FBXL19: variants seen among roughly 807,000 people sequenced by gnomAD.
FBXL19 encodes F-box/LRR-repeat protein 19.
In FBXL19, 16 loss-of-function variants were observed where a neutral mutation model predicts 71.2. That is an observed-to-expected ratio of 0.22 (90% CI 0.15 to 0.34). FBXL19 has a LOEUF of 0.34. Among genes scored for constraint, FBXL19 ranks in the 10% least tolerant of loss-of-function variants. The pLI is 1.00. For missense variants in FBXL19, 658 were observed against 968.2 expected, an observed-to-expected ratio of 0.68 and a Z score of 4.25; for synonymous variants, 447 against 409.4, an observed-to-expected ratio of 1.09 and a Z score of -1.11.
At chr16:30,932,097 T>C (rs2055681259) in intron 7 of FBXL19, among the ~76,000 whole-genome samples, 1 of 152,144 alleles carries the variant, frequency 6.6e-6, no homozygotes, top group South Asian at 2.1e-4. Context: ...TGCCTCGGTT[T>C]CTTCATCTGA....
intron 7 of FBXL19, among the ~76,000 whole-genome samples, chr16:30,936,983 C>T (rs981292484): frequency 3.3e-5 from 5 of 151,998 alleles, no homozygotes; most frequent in Admixed American, 6.6e-5. Context: ...CCTCGTGATC[C>T]GCCCTCCTTG....
chr16:30,927,508 G>T, intron 3 of FBXL19, 57 bp downstream of exon 3: 1 of 1,561,150 alleles, frequency 6.4e-7, no homozygotes, highest in Non-Finnish European at 8.7e-7. Flanking sequence ...GGAGCAGAGA[G>T]TGGGGGATCA....
At chr16:30,928,956 T>G (rs567808335) in intron 6 of FBXL19, among the ~76,000 whole-genome samples, 1 of 152,346 alleles carries the variant, frequency 6.6e-6, no homozygotes, top group South Asian at 2.1e-4. Context: ...ACCCTGAGCC[T>G]TAGTTTCTTT....
At chr16:30,943,261 T>G (rs1356768522) in intron 9 of FBXL19, among the ~76,000 whole-genome samples, 1 of 152,158 alleles carries the variant, frequency 6.6e-6, no homozygotes, top group Non-Finnish European at 1.5e-5. Flanking sequence ...AGATCTCGGC[T>G]TACTGCAACT....
At chr16:30,927,234 AGG>A in intron 2 of FBXL19, 72 bp from the exon 3 acceptor site, 1 of 1,450,930 alleles carries the variant, frequency 6.9e-7, no homozygotes, top group Non-Finnish European at 9.2e-7. Context: ...TCACCTGGCC[AGG>A]GTCCCTAGAA....
chr16:30,943,072 T>C (rs2055819644), intron 9 of FBXL19, among the ~76,000 whole-genome samples: 2 of 152,268 alleles, frequency 1.3e-5, no homozygotes, highest in Admixed American at 6.5e-5. Flanking sequence ...TCTCAGTGGC[T>C]GCTCCATAGA....
chr16:30,923,881 C>G lies in FBXL19; in HGVS notation c.-603C>G, dbSNP rs1158933333. Among the ~76,000 whole-genome samples, 1 of 150,374 alleles carries G rather than the reference C, an allele frequency of 6.7e-6. No individual in the cohort carries two copies. Among genetic ancestry groups the G allele is most frequent in the Non-Finnish European group, 1.5e-5 (1 of 67,318 alleles). ...TTCACCTCCCCCTCCGCTCGCCTCGCAGCCGTAGGGCAGGGGGTCGCAGTC... is the reference window on the plus strand; with the variant it reads ...TTCACCTCCCCCTCCGCTCGCCTCGGAGCCGTAGGGCAGGGGGTCGCAGTC... On this transcript the variant is annotated 5_prime_UTR_variant, in exon 1 of 11. Transcript: ENST00000338343.
intron 7 of FBXL19, among the ~76,000 whole-genome samples, chr16:30,935,222 C>A (rs999986247): frequency 6.6e-6 from 1 of 152,170 alleles, no homozygotes; most frequent in Non-Finnish European, 1.5e-5. Flanking sequence ...TTCGTTTGTT[C>A]CTGTTGTGTT....
At chr16:30,928,065 T>C in intron 5 of FBXL19, 102 bp downstream of exon 5, 2 of 787,622 alleles carry the variant, frequency 2.5e-6, no homozygotes, top group Non-Finnish European at 3.9e-6. Flanking sequence ...GCGTGCTCTG[T>C]GGGTTCCCCA....
intron 6 of FBXL19, among the ~76,000 whole-genome samples, chr16:30,929,003 C>T (rs947247918): frequency 2.0e-5 from 3 of 152,168 alleles, no homozygotes; most frequent in African/African-American, 7.2e-5. Context: ...TGCCTTGCCC[C>T]CTTATCCCGC....
chr16:30,936,850 C>A (rs1438401212), intron 7 of FBXL19, among the ~76,000 whole-genome samples: 1 of 150,960 alleles, frequency 6.6e-6, no homozygotes, highest in African/African-American at 2.4e-5. Context: ...TCAAGTGATT[C>A]TCCTGCCTCA....
At chr16:30,937,000 C>A (rs1222643611) in intron 7 of FBXL19, among the ~76,000 whole-genome samples, 1 of 152,112 alleles carries the variant, frequency 6.6e-6, no homozygotes, top group East Asian at 1.9e-4. Flanking sequence ...CTTGGCCTCC[C>A]AAAGTGCTGG....
chr16:30,945,897 A>AATGC (rs1260009825), intron 9 of FBXL19, among the ~76,000 whole-genome samples: 1 of 151,840 alleles, frequency 6.6e-6, no homozygotes, highest in Non-Finnish European at 1.5e-5. Flanking sequence ...ATGTCAGAAA[A>AATGC]ATGCATATAA....
rs1298619986 is a variant in FBXL19, at chr16:30,928,619, G to A, written c.780G>A (p.Glu260=). 6.3e-7 allele frequency: 1 copy of A among 1,580,424 alleles called. No homozygotes were observed. Among genetic ancestry groups the A allele is most frequent in the Admixed American group, 1.8e-5 (1 of 54,802 alleles). ...FSSCHPGLPP[E]NWEKPKPPLA... ...CCTGCCACCCTGGGCTCCCTCCCGA[G>A]AACTGGGAGGTGTGCCGGGGACCTC... The change falls in exon 6 of 11, where the codon GAG becomes GAA. Residue 260 remains glutamate (E), a synonymous_variant. Transcript: ENST00000338343.
chr16:30,930,638 G>A lies in FBXL19; in HGVS notation c.1301+54G>A. 7.1e-7 allele frequency: 1 copy of A among 1,402,514 alleles called. No individual in the cohort carries two copies. Among genetic ancestry groups the A allele is most frequent in the East Asian group, 2.8e-5 (1 of 36,284 alleles). The allele number at this position is 1,402,514 out of a possible 1,614,324, so 86.9% of individuals were successfully genotyped here. Reference sequence around the variant, plus strand: ...GTGGCCAGCAGGCTTCCCGCTTGCTGGGTGACCTGCGGTAGGTCTCTGGCC... The same window carrying A: ...GTGGCCAGCAGGCTTCCCGCTTGCTAGGTGACCTGCGGTAGGTCTCTGGCC... On this transcript the variant is annotated intron_variant, in intron 7 of 10. Coordinates refer to ENST00000338343, the MANE Select transcript of FBXL19 (RefSeq NM_001382779.1). This position sits in a 1 kb window ranked among gnomAD's most constrained non-coding sequence, Gnocchi z 8.5.
At chr16:30,935,709 G>C (rs2055724617) in intron 7 of FBXL19, among the ~76,000 whole-genome samples, 2 of 152,128 alleles carry the variant, frequency 1.3e-5, no homozygotes, top group Non-Finnish European at 2.9e-5. Context: ...GGCAGTAAGG[G>C]CTGGTCCAGC....
intron 7 of FBXL19, among the ~76,000 whole-genome samples, chr16:30,933,362 C>G (rs2055696400): frequency 6.6e-6 from 1 of 152,102 alleles, no homozygotes; most frequent in Non-Finnish European, 1.5e-5. Context: ...TGGTCTCAAA[C>G]TCCTGACCTC....
intron 9 of FBXL19, among the ~76,000 whole-genome samples, chr16:30,943,745 T>C (rs529312898): frequency 6.6e-6 from 1 of 152,236 alleles, no homozygotes; most frequent in East Asian, 1.9e-4. Context: ...TCAAGTGATC[T>C]GCCCACCTCT....
chr16:30,932,257 G>A (rs183094994), intron 7 of FBXL19, among the ~76,000 whole-genome samples: 16 of 152,310 alleles, frequency 1.1e-4, no homozygotes, highest in African/African-American at 3.6e-4. Flanking sequence ...TGAACGCACA[G>A]CCTGTCAGGC....
Sources: gnomAD v4.1 joint callset for allele counts (sites outside exome capture counted in the v4.1 genomes callset) on GRCh38, gnomAD v4.1.1 for gene constraint, Gnocchi (gnomAD v3.1) non-coding constraint, MANE v1.5 for transcripts, NCBI Gene and HGNC (gene_info 2026-07-23, HGNC 2026-07-21) for gene names.